Variants in CERS6 observed in about 807,000 individuals in gnomAD.
CERS6 encodes ceramide synthase 6, also known as LAG1 homolog, ceramide synthase 6.
CERS6 carries 26 observed loss-of-function variants against 56.8 expected under a neutral mutation model. The observed-to-expected ratio is 0.46, with a 90% confidence interval of 0.34 to 0.63. The LOEUF (loss-of-function observed/expected upper bound fraction) is 0.63, where lower values mean the gene tolerates loss of function less well. CERS6 is among the 30% of genes least tolerant of loss of function. The pLI is 0.01. For missense variants in CERS6, 415 were observed against 467.5 expected (o/e 0.89, Z 1.04); for synonymous variants, 164 against 173.3 (o/e 0.95, Z 0.42).
In CERS6 at chr2:168,554,706, A is replaced by G. The variant is rs75098270; in HGVS notation, c.277-6486A>G. Among the ~76,000 whole-genome samples, 258 of 152,330 alleles carry G rather than the reference A, an allele frequency of 1.7e-3. 8 individuals carry two copies. In the East Asian group the frequency reaches 0.047, roughly 28 times the overall value. ...TTGTTACAGCAGCCATAGAAAAACAATGCAGTCATGAAAAAAGTATGTGAG... is the reference window on the plus strand; with the variant it reads ...TTGTTACAGCAGCCATAGAAAAACAGTGCAGTCATGAAAAAAGTATGTGAG... On this transcript the variant is annotated intron_variant, in intron 2 of 9. Coordinates refer to ENST00000305747, the MANE Select transcript of CERS6 (RefSeq NM_203463.3).
chr2:168,730,420 A>C (rs888064750), intron 8 of CERS6, among the ~76,000 whole-genome samples: 2 of 152,250 alleles, frequency 1.3e-5, no homozygotes, highest in Admixed American at 1.3e-4. Flanking sequence ...TGCGTGTTGT[A>C]TGTTGGCTCC....
At chr2:168,645,571 T>G (rs1685179121) in intron 4 of CERS6, among the ~76,000 whole-genome samples, 1 of 152,046 alleles carries the variant, frequency 6.6e-6, no homozygotes, top group Non-Finnish European at 1.5e-5. Context: ...GGGCTACATG[T>G]GAAGGTTTGT....
intron 1 of CERS6, among the ~76,000 whole-genome samples, chr2:168,543,247 G>T (rs1165210730): frequency 6.6e-6 from 1 of 152,076 alleles, no homozygotes; most frequent in African/African-American, 2.4e-5. Flanking sequence ...ATCTTTTGAA[G>T]GTGGTGTTGC....
intron 6 of CERS6, among the ~76,000 whole-genome samples, chr2:168,711,076 T>A (rs549421886): frequency 6.6e-6 from 1 of 152,350 alleles, no homozygotes; most frequent in South Asian, 2.1e-4. Context: ...TTATCTGACC[T>A]CATTTAGGAA....
At chr2:168,498,971 C>G (rs1694529853) in intron 1 of CERS6, among the ~76,000 whole-genome samples, 1 of 152,114 alleles carries the variant, frequency 6.6e-6, no homozygotes, top group African/African-American at 2.4e-5. Flanking sequence ...CTGGGGTCCC[C>G]TTGGCCAAGA....
chr2:168,655,644 CACTT>C (rs1383221463), intron 4 of CERS6, among the ~76,000 whole-genome samples: 3 of 152,174 alleles, frequency 2.0e-5, no homozygotes, highest in African/African-American at 7.2e-5. Context: ...TGCATGGTCT[CACTT>C]ATGTGAAATT....
intron 8 of CERS6, among the ~76,000 whole-genome samples, chr2:168,726,853 C>T (rs1477229982): frequency 6.6e-6 from 1 of 152,210 alleles, no homozygotes; most frequent in African/African-American, 2.4e-5. Flanking sequence ...GGAATCATAA[C>T]CATAGATACA....
chr2:168,615,526 C>T (rs1684295107), intron 3 of CERS6, among the ~76,000 whole-genome samples: 1 of 148,160 alleles, frequency 6.7e-6, no homozygotes, highest in South Asian at 2.2e-4. Flanking sequence ...AAATAAAATA[C>T]AATAAAAACT....
intron 1 of CERS6, among the ~76,000 whole-genome samples, chr2:168,505,500 A>G (rs754421626): frequency 1.2e-4 from 18 of 152,154 alleles, no homozygotes; most frequent in Non-Finnish European, 2.2e-4. Flanking sequence ...TGATACTTAC[A>G]AGGGGACCCA....
chr2:168,757,000 A>G (rs552498782), intron 8 of CERS6, among the ~76,000 whole-genome samples: 4 of 152,364 alleles, frequency 2.6e-5, no homozygotes, highest in South Asian at 4.1e-4. Flanking sequence ...TTAATGTTCA[A>G]TAAGTATTAA....
chr2:168,713,746 A>G (rs1032864212), intron 6 of CERS6, among the ~76,000 whole-genome samples: 94 of 152,304 alleles, frequency 6.2e-4, no homozygotes, highest in African/African-American at 2.2e-3. Flanking sequence ...ACAAGCATGC[A>G]TATGTACCCC....
chr2:168,597,519 A>G (rs1683830313), intron 3 of CERS6, among the ~76,000 whole-genome samples: 1 of 152,142 alleles, frequency 6.6e-6, no homozygotes. Flanking sequence ...TTCTCAGGGT[A>G]TGCTTAAGAT....
chr2:168,589,449 C>A (rs796640884), intron 3 of CERS6, among the ~76,000 whole-genome samples: 3 of 152,328 alleles, frequency 2.0e-5, no homozygotes, highest in African/African-American at 7.2e-5. Context: ...TGAGCTCCTA[C>A]TCCCCTTCTC....
At chr2:168,703,754 A>G (rs1333232492) in intron 6 of CERS6, among the ~76,000 whole-genome samples, 1 of 152,022 alleles carries the variant, frequency 6.6e-6, no homozygotes, top group Non-Finnish European at 1.5e-5. Context: ...GGGCCGCTTC[A>G]CCTCTCTTTC....
intron 3 of CERS6, among the ~76,000 whole-genome samples, chr2:168,626,012 G>T (rs1313728193): frequency 6.6e-6 from 1 of 152,114 alleles, no homozygotes; most frequent in Non-Finnish European, 1.5e-5. Context: ...GGAAGAAGTA[G>T]CATAGCTTAA....
intron 2 of CERS6, among the ~76,000 whole-genome samples, chr2:168,555,722 C>CTCTCTGTGTGTGTGTG (rs1261403157): frequency 2.8e-5 from 4 of 140,920 alleles, no homozygotes; most frequent in African/African-American, 1.1e-4. Context: ...ATAATTGACT[C>CTCTCTGTGTGTGTGTG]TGTGTGTGTG....
At chr2:168,470,013 A>G (rs1458984528) in intron 1 of CERS6, among the ~76,000 whole-genome samples, 1 of 152,072 alleles carries the variant, frequency 6.6e-6, no homozygotes, top group Non-Finnish European at 1.5e-5. Flanking sequence ...TTTCATCCTG[A>G]TTTGAGATTG....
chr2:168,745,460 C>T (rs2105436789), intron 8 of CERS6, among the ~76,000 whole-genome samples: 1 of 152,254 alleles, frequency 6.6e-6, no homozygotes, highest in Non-Finnish European at 1.5e-5. Context: ...CCAGGATGGT[C>T]TTGATCTCCT....
intron 1 of CERS6, among the ~76,000 whole-genome samples, chr2:168,489,672 T>C (rs887546483): frequency 6.6e-6 from 1 of 152,102 alleles, no homozygotes; most frequent in African/African-American, 2.4e-5. Flanking sequence ...AGCTATCCCA[T>C]GAATTTATTT....
Sources: allele counts gnomAD v4.1 joint callset (sites outside exome capture counted in the v4.1 genomes callset), GRCh38; gene constraint gnomAD v4.1.1; transcripts MANE v1.5; gene names NCBI Gene and HGNC (gene_info 2026-07-23, HGNC 2026-07-21).